Variants in USH2A observed in about 807,000 individuals in gnomAD.
USH2A encodes the protein Usher syndrome 2A (autosomal recessive, mild).
Under a neutral mutation model 538.9 loss-of-function variants are expected in USH2A, and 443 were observed. That is an observed-to-expected ratio of 0.82 (90% CI 0.76 to 0.89). The LOEUF (loss-of-function observed/expected upper bound fraction) is 0.89. Among genes scored for constraint, USH2A ranks in the 40% least tolerant of loss-of-function variants. The pLI, the probability that USH2A is intolerant of heterozygous loss-of-function variation, is 0.00. For synonymous variants in USH2A, 2,413 were observed against 2,273.5 expected (o/e 1.06, Z -1.75); for missense variants, 6,633 against 6,324.8 (o/e 1.05, Z -1.65).
Position 216,276,045 on chromosome 1 carries a change from T to A in USH2A, c.1971+13235A>T, listed in dbSNP as rs117766177. 7.9e-5 allele frequency among the ~76,000 whole-genome samples: 12 copies of A among 152,234 alleles called. No homozygotes were observed. The East Asian group carries it at 2.1e-3, about 27-fold the overall frequency. On this transcript the variant is annotated intron_variant, in intron 11 of 71. Coordinates refer to ENST00000307340, the MANE Select transcript of USH2A (RefSeq NM_206933.4). ...TATGTCTCTAACCTCCAGCTGGGCA[T>A]GAGCTTTGGAAATTCACAAGTTTTC... is the stretch of plus-strand genomic sequence containing the variant.
At chr1:215,710,264 A>C (rs942972933) in intron 61 of USH2A, among the ~76,000 whole-genome samples, 8 of 152,204 alleles carry the variant, frequency 5.3e-5, no homozygotes, top group Non-Finnish European at 8.8e-5. Flanking sequence ...CAGACTACAG[A>C]GCATGAAAGA....
intron 64 of USH2A, among the ~76,000 whole-genome samples, chr1:215,665,213 C>T (rs1268028771): frequency 6.6e-6 from 1 of 152,084 alleles, no homozygotes; most frequent in Non-Finnish European, 1.5e-5. Flanking sequence ...TGTTTGGGGG[C>T]AGTGTTGGTC....
At chr1:216,092,392 G>A (rs2032323390) in intron 22 of USH2A, among the ~76,000 whole-genome samples, 1 of 152,068 alleles carries the variant, frequency 6.6e-6, no homozygotes, top group African/African-American at 2.4e-5. Flanking sequence ...AAAGATTAAA[G>A]GAGAAAAACT....
chr1:216,214,065 T>C (rs554058402), intron 15 of USH2A, among the ~76,000 whole-genome samples: 1 of 152,158 alleles, frequency 6.6e-6, no homozygotes, highest in Admixed American at 6.6e-5. Flanking sequence ...GCTGAGACCA[T>C]AGAGTAACTG....
At position 215,743,353 on chromosome 1, in the gene USH2A, G is replaced by A. The variant is rs754604384; in HGVS notation, c.11390-18C>T. On this transcript the variant is annotated intron_variant, in intron 58 of 71. Transcript: ENST00000307340. ...GAGGATCCCTTTAAAGAGAGAGAGA[G>A]AGAGAGAACATTAAAAACATATATA... The A allele has an allele frequency of 7.8e-6, 12 of 1,530,156 alleles. No homozygotes were observed. In the South Asian group the frequency reaches 7.9e-5, roughly 10 times the overall value. 94.8% of individuals were successfully genotyped at this position (1,530,156 alleles called of 1,614,324 possible).
Position 215,844,508 on chromosome 1 carries a change from G to A in USH2A, c.9056-12C>T. On this transcript the variant is annotated splice_polypyrimidine_tract_variant and intron_variant, in intron 45 of 71. Transcript: ENST00000307340. The stretch of plus-strand genomic sequence containing the variant: ...CATGCCCTGAGGCTCTAGAATTAAA[G>A]GAAGAAACTGAATAAACTCCAGCTG... The A allele has an allele frequency of 1.2e-6, 2 of 1,604,974 alleles. No homozygotes were observed. The highest frequency in any genetic ancestry group is 1.1e-5 in the South Asian group (1 of 91,076).
chr1:215,742,019 G>C (rs1660319389), intron 59 of USH2A, among the ~76,000 whole-genome samples: 1 of 152,058 alleles, frequency 6.6e-6, no homozygotes, highest in African/African-American at 2.4e-5. Context: ...ACAGTTTCAG[G>C]GACACGGAGA....
At chr1:216,096,542 T>C (rs2032445045) in intron 22 of USH2A, among the ~76,000 whole-genome samples, 2 of 152,212 alleles carry the variant, frequency 1.3e-5, no homozygotes, top group South Asian at 4.1e-4. Context: ...TATGTTCCTA[T>C]AATACATAGA....
chr1:215,777,316 A>C (rs1484896694), intron 55 of USH2A, among the ~76,000 whole-genome samples: 1 of 152,240 alleles, frequency 6.6e-6, no homozygotes, highest in Admixed American at 6.5e-5. Context: ...TTTTATAATT[A>C]ATGAGGCTAT....
chr1:215,885,139 A>G (rs1665013809), intron 41 of USH2A, among the ~76,000 whole-genome samples: 1 of 151,988 alleles, frequency 6.6e-6, no homozygotes, highest in Non-Finnish European at 1.5e-5. Flanking sequence ...TATCCCATTT[A>G]AGTACCTTCT....
At chr1:215,979,733 G>C (rs1032497292) in intron 35 of USH2A, among the ~76,000 whole-genome samples, 10 of 152,004 alleles carry the variant, frequency 6.6e-5, no homozygotes, top group African/African-American at 2.4e-4. Flanking sequence ...TGACACTTAG[G>C]GATGGAATGT....
At chr1:215,999,315 G>A (rs576654058) in intron 33 of USH2A, among the ~76,000 whole-genome samples, 2 of 152,116 alleles carry the variant, frequency 1.3e-5, no homozygotes, top group African/African-American at 2.4e-5. Flanking sequence ...ATGTATAAGC[G>A]AGTATTTATT....
intron 3 of USH2A, among the ~76,000 whole-genome samples, chr1:216,366,471 A>G (rs2038599307): frequency 6.6e-6 from 1 of 152,086 alleles, no homozygotes; most frequent in East Asian, 1.9e-4. Context: ...AACTGGTTAT[A>G]CTTTTAATGC....
At chr1:216,024,852 T>G (rs1668927159) in intron 32 of USH2A, among the ~76,000 whole-genome samples, 2 of 152,006 alleles carry the variant, frequency 1.3e-5, no homozygotes, top group South Asian at 4.1e-4. Context: ...GACATAGGTT[T>G]TATAATATAC....
rs1016355965 is a variant in USH2A at position 215,968,549 on chromosome 1, T to C, written c.6957+2076A>G. 1.1e-4 allele frequency among the ~76,000 whole-genome samples: 16 copies of C among 152,206 alleles called. No homozygotes were observed. In the East Asian group the frequency reaches 2.1e-3, roughly 20 times the overall value. On this transcript the variant is annotated intron_variant, in intron 36 of 71. Coordinates refer to ENST00000307340, the MANE Select transcript of USH2A (RefSeq NM_206933.4). Reference sequence around the variant, plus strand: ...TCCATCAAATTCATATTTTTTATTATATGAACAATTTGCAATTTGGAGGAT... The same window carrying C: ...TCCATCAAATTCATATTTTTTATTACATGAACAATTTGCAATTTGGAGGAT...
At position 215,674,285 on chromosome 1, in the gene USH2A, G is replaced by T. The variant is rs1390052703; in HGVS notation, c.13626C>A (p.Ala4542=). 1.2e-6 allele frequency: 2 copies of T among 1,614,104 alleles called. No individual in the cohort carries two copies. Among genetic ancestry groups the T allele is most frequent in the Non-Finnish European group, 1.7e-6 (2 of 1,180,008 alleles). Residue 4542 remains alanine, a synonymous_variant, in exon 63 of 72, where the codon GCC becomes GCA. Coordinates refer to ENST00000307340, the MANE Select transcript of USH2A (RefSeq NM_206933.4). ...PSGMEPPKLQ[A]RGPQEILVNW... ...TCACTAAGATCTCCTGAGGACCCCT[G>T]GCCTGCAATTTTGGAGGTTCCATCC...
intron 38 of USH2A, among the ~76,000 whole-genome samples, chr1:215,926,862 C>G (rs1666251482): frequency 6.6e-6 from 1 of 152,020 alleles, no homozygotes; most frequent in African/African-American, 2.4e-5. Flanking sequence ...CCCTCCTTGG[C>G]CTTCCGAAGT....
At position 216,201,800 on chromosome 1, in the gene USH2A, T is replaced by G. The variant is rs576105565; in HGVS notation, c.3317-1679A>C. 139 of 230,634 alleles carry G rather than the reference T, an allele frequency of 6.0e-4. 1 individual carries two copies. Among genetic ancestry groups the G allele is most frequent in the Middle Eastern group, 5.1e-4 (1 of 1,960 alleles). 14.3% of individuals were successfully genotyped at this position (230,634 alleles called of 1,614,324 possible). A position where few individuals can be genotyped will look rare whatever the true frequency, so the allele number is the denominator to read the frequency against. On this transcript the variant is annotated intron_variant, in intron 16 of 71. Transcript: ENST00000307340. Reference sequence around the variant, plus strand: ...TCTCTCTCTGGTGGCTGTTTTCAGTTGTACCATGGGTACCAGAGGTCGCCT... The same window carrying G: ...TCTCTCTCTGGTGGCTGTTTTCAGTGGTACCATGGGTACCAGAGGTCGCCT...
At chr1:215,802,773 T>C (rs10864202) in intron 49 of USH2A, among the ~76,000 whole-genome samples, 13,558 of 152,110 alleles carry the variant, frequency 0.089, 636 homozygotes, top group East Asian at 0.19. Context: ...CCCAAAAGAA[T>C]TGAAAACAGG....
Sources: gnomAD v4.1 joint callset for allele counts (sites outside exome capture counted in the v4.1 genomes callset) on GRCh38, gnomAD v4.1.1 for gene constraint, MANE v1.5 for transcripts, NCBI Gene and HGNC (gene_info 2026-07-23, HGNC 2026-07-21) for gene names.